SCP2: variants seen among roughly 807,000 people sequenced by gnomAD.
The protein encoded by SCP2 is SCP-2/3-oxoacyl-CoA thiolase.
A neutral mutation model predicts 71.4 loss-of-function variants in SCP2; 48 were observed. That is an observed-to-expected ratio of 0.67 (90% CI 0.53 to 0.86). The LOEUF (loss-of-function observed/expected upper bound fraction) is 0.86, where lower values mean the gene tolerates loss of function less well. SCP2 is among the 40% of genes least tolerant of loss of function. The pLI is 0.00. For missense variants in SCP2, 560 were observed against 655.6 expected (o/e 0.85, Z 1.59); for synonymous variants, 220 against 218.1 (o/e 1.01, Z -0.08).
At chr1:52,929,466 G>A (rs548712756) in intron 1 of SCP2, among the ~76,000 whole-genome samples, 19 of 151,538 alleles carry the variant, frequency 1.3e-4, no homozygotes, top group African/African-American at 4.6e-4. Flanking sequence ...TATTTTTTGA[G>A]ACAGAGTCTC....
chr1:52,993,379 C>T (rs1659676350), intron 11 of SCP2: 1 of 1,614,100 alleles, frequency 6.2e-7, no homozygotes, highest in African/African-American at 1.3e-5. Flanking sequence ...GCCGTGCTAA[C>T]TGCCGTCCTT....
At chr1:53,021,268 C>G (rs1661699538) in intron 12 of SCP2, among the ~76,000 whole-genome samples, 1 of 151,210 alleles carries the variant, frequency 6.6e-6, no homozygotes, top group Non-Finnish European at 1.5e-5. Context: ...CTTGGCCTCC[C>G]AAAGTGCTGA....
At chr1:53,027,086 A>G (rs1354434142) in intron 12 of SCP2, among the ~76,000 whole-genome samples, 1 of 151,864 alleles carries the variant, frequency 6.6e-6, no homozygotes, top group Admixed American at 6.6e-5. Context: ...CTACAGACAC[A>G]TGCCACCATA....
In SCP2 at chr1:52,995,550, C is replaced by A. The variant is rs140338554; in HGVS notation, c.1081+7414C>A. ...CCCTCTCACCAGCTGTGGAAGCTAG[C>A]AGCATCGAGCTTTCACAGTGCCCAA... is the stretch of plus-strand genomic sequence containing the variant. On this transcript the variant is annotated intron_variant, in intron 11 of 15. Transcript: ENST00000371514. 6.6e-5 allele frequency: 30 copies of A among 451,890 alleles called. No individual in the cohort carries two copies. In the East Asian group the frequency reaches 1.4e-3, roughly 21 times the overall value. 28.0% of individuals were successfully genotyped at this position (451,890 alleles called of 1,614,324 possible).
intron 5 of SCP2, among the ~76,000 whole-genome samples, chr1:52,955,045 T>G (rs1655673856): frequency 6.6e-6 from 1 of 152,214 alleles, no homozygotes; most frequent in South Asian, 2.1e-4. Context: ...ATTTTTTTGA[T>G]AAATGAATTA....
rs557082702 is a variant in SCP2 at position 53,024,732 on chromosome 1, C to T, written c.1236-3237C>T. 7.9e-5 allele frequency among the ~76,000 whole-genome samples: 12 copies of T among 151,800 alleles called. No individual in the cohort carries two copies. The East Asian group carries it at 1.2e-3, about 15-fold the overall frequency. On this transcript the variant is annotated intron_variant, in intron 12 of 15. Transcript: ENST00000371514. The stretch of plus-strand genomic sequence containing the variant: ...GTTTACAGGCGCACACCACAATGCC[C>T]GGCTAATTTTTGTATTTTTAGTAGA...
chr1:52,954,084 A>T (rs1335434253), intron 4 of SCP2, among the ~76,000 whole-genome samples: 1 of 150,410 alleles, frequency 6.6e-6, no homozygotes, highest in Non-Finnish European at 1.5e-5. Flanking sequence ...GTCGGGGTGG[A>T]CAGATCGCTT....
At chr1:52,999,941 G>A (rs891564258) in intron 11 of SCP2, among the ~76,000 whole-genome samples, 27 of 150,536 alleles carry the variant, frequency 1.8e-4, no homozygotes, top group African/African-American at 5.1e-4. Flanking sequence ...CTCAACCTCC[G>A]GAGTAGCTGG....
At chr1:52,980,371 T>A (rs752978993) in intron 9 of SCP2, 25 bp from the exon 10 acceptor site, 1 of 1,610,352 alleles carries the variant, frequency 6.2e-7, no homozygotes, top group Non-Finnish European at 8.5e-7. Flanking sequence ...TGGTGCCCTT[T>A]ATTTATATAT....
intron 1 of SCP2, among the ~76,000 whole-genome samples, chr1:52,935,419 G>T (rs1328372200): frequency 6.6e-6 from 1 of 150,750 alleles, no homozygotes. Context: ...GCAAAACCCC[G>T]TTTTTATTAA....
chr1:53,038,651 C>A lies in SCP2; in HGVS notation c.1339-266C>A, dbSNP rs190205544. Among the ~76,000 whole-genome samples, 778 of 152,224 alleles carry A rather than the reference C, an allele frequency of 5.1e-3. 7 individuals are homozygous for A. Among genetic ancestry groups the A allele is most frequent in the African/African-American group, 0.018 (745 of 41,546 alleles). On this transcript the variant is annotated intron_variant, in intron 13 of 15. Transcript: ENST00000371514. ...AACTCTTGGGCTCAAGTGATCCCCC[C>A]ACCTCTGCCTCCCAAAGTGCTGAGA...
At chr1:53,027,320 G>A (rs573112217) in intron 12 of SCP2, among the ~76,000 whole-genome samples, 5 of 152,120 alleles carry the variant, frequency 3.3e-5, no homozygotes, top group Non-Finnish European at 7.4e-5. Context: ...CTCCCAAAGT[G>A]TAGGATTACA....
At chr1:52,994,000 A>G (rs1385847334) in intron 11 of SCP2, 2 of 1,231,560 alleles carry the variant, frequency 1.6e-6, no homozygotes, top group African/African-American at 1.5e-5. Flanking sequence ...TAATTTGTAA[A>G]GAAAATTTGT....
chr1:53,019,405 T>C (rs964362804), intron 12 of SCP2, among the ~76,000 whole-genome samples: 1 of 152,228 alleles, frequency 6.6e-6, no homozygotes, highest in Non-Finnish European at 1.5e-5. Context: ...TATAGTAAAG[T>C]GGTATCAATT....
At chr1:53,044,718 A>G (rs1359434244) in intron 14 of SCP2, among the ~76,000 whole-genome samples, 2 of 152,226 alleles carry the variant, frequency 1.3e-5, no homozygotes, top group Non-Finnish European at 2.9e-5. Context: ...CTATTGTTAT[A>G]TTAATTGATT....
chr1:53,024,163 G>C (rs984021722), intron 12 of SCP2, among the ~76,000 whole-genome samples: 2 of 152,124 alleles, frequency 1.3e-5, no homozygotes, highest in African/African-American at 4.8e-5. Flanking sequence ...TGATCCTTGA[G>C]AACATTATGC....
chr1:52,975,503 T>G (rs1206326899), intron 7 of SCP2, among the ~76,000 whole-genome samples: 1 of 151,860 alleles, frequency 6.6e-6, no homozygotes, highest in Non-Finnish European at 1.5e-5. Context: ...GACGAGCTTT[T>G]GCCATGTTGG....
chr1:52,947,986 A>G, intron 2 of SCP2, 23 bp from the exon 3 acceptor site: 1 of 1,577,064 alleles, frequency 6.3e-7, no homozygotes. Context: ...GCACTTTTTG[A>G]TAAAAACCTT....
chr1:53,008,261 C>T (rs932635691), intron 11 of SCP2, among the ~76,000 whole-genome samples: 4 of 152,288 alleles, frequency 2.6e-5, no homozygotes, highest in South Asian at 4.1e-4. Context: ...AAGAGGGAAT[C>T]CTCCCTAACT....
Sources: gnomAD v4.1 joint callset for allele counts (sites outside exome capture counted in the v4.1 genomes callset) on GRCh38, gnomAD v4.1.1 for gene constraint, MANE v1.5 for transcripts, NCBI Gene and HGNC (gene_info 2026-07-23, HGNC 2026-07-21) for gene names.